The following MTIF2 variants were observed in gnomAD, a reference collection of about 807,000 sequenced individuals.
MTIF2 encodes mitochondrial translational initiation factor 2.
A neutral mutation model predicts 83.5 loss-of-function variants in MTIF2; 71 were observed. That is an observed-to-expected ratio of 0.85 (90% CI 0.70 to 1.04). MTIF2 has a LOEUF of 1.04. Among genes scored for constraint, MTIF2 ranks in the 50% least tolerant of loss-of-function variants. The pLI, the probability that MTIF2 is intolerant of heterozygous loss-of-function variation, is 0.00. For synonymous variants in MTIF2, 319 were observed against 287.1 expected, an observed-to-expected ratio of 1.11 and a Z score of -1.12; for missense variants, 957 against 846.5, an observed-to-expected ratio of 1.13 and a Z score of -1.62.
At chr2:55,249,284 T>A in intron 9 of MTIF2, 111 bp downstream of exon 9, 1 of 1,432,652 alleles carries the variant, frequency 7.0e-7, no homozygotes, top group South Asian at 1.4e-5. Flanking sequence ...GAAAACTTTT[T>A]AAAAACAACA....
At chr2:55,236,976 C>T (rs868673309) in intron 15 of MTIF2, among the ~76,000 whole-genome samples, 156 bp from the exon 16 acceptor site, 2 of 152,080 alleles carry the variant, frequency 1.3e-5, no homozygotes, top group African/African-American at 2.4e-5. Context: ...CAGGGGAACC[C>T]CCTCAAAAAT....
rs758885036 is a variant in MTIF2 at position 55,243,415 on chromosome 2, C to A, written c.1564+1G>T. ...GTAATGTAAAATCTTTAAAAAGATA[C>A]CTTTAATAATCACAGAAAGTACATT... On this transcript the variant is annotated splice_donor_variant, in intron 12 of 15. Transcript: ENST00000263629. LOFTEE classifies it high-confidence loss of function. 1.3e-6 allele frequency: 2 copies of A among 1,594,944 alleles called. No individual in the cohort carries two copies. Among genetic ancestry groups the A allele is most frequent in the Non-Finnish European group, 1.7e-6 (2 of 1,167,940 alleles).
chr2:55,237,879 G>A (rs976764362), intron 14 of MTIF2, among the ~76,000 whole-genome samples: 9 of 151,848 alleles, frequency 5.9e-5, no homozygotes, highest in African/African-American at 2.2e-4. Flanking sequence ...TCAAACTCCT[G>A]ACCTCAAGTG....
intron 10 of MTIF2, among the ~76,000 whole-genome samples, chr2:55,245,054 G>T (rs989784119): frequency 2.0e-5 from 3 of 149,854 alleles, no homozygotes; most frequent in Non-Finnish European, 3.0e-5. Flanking sequence ...CTCAAAAAAA[G>T]AAAAATTAAA....
Position 55,266,605 on chromosome 2 carries a change from T to C in MTIF2, c.-8+964A>G, listed in dbSNP as rs1270867407. 2.7e-5 allele frequency: 4 copies of C among 148,640 alleles called. No homozygotes were observed. In the Admixed American group the frequency reaches 2.7e-4, roughly 10 times the overall value. The allele number at this position is 148,640 out of a possible 1,614,324, so 9.2% of individuals were successfully genotyped here. A position where few individuals can be genotyped will look rare whatever the true frequency, so the allele number is the denominator to read the frequency against. ...AATATGCTTATATTTTATATTTATATACAACATATATATTATATAAATATA... is the reference window on the plus strand; with the variant it reads ...AATATGCTTATATTTTATATTTATACACAACATATATATTATATAAATATA... On this transcript the variant is annotated intron_variant, in intron 3 of 15. Transcript: ENST00000263629.
In MTIF2 at chr2:55,252,465, G is replaced by C. The variant is rs760941749; in HGVS notation, c.841+12C>G. The C allele has an allele frequency of 3.4e-5, 54 of 1,609,202 alleles. No individual in the cohort carries two copies. In the South Asian group the frequency reaches 5.6e-4, roughly 17 times the overall value. On this transcript the variant is annotated intron_variant, in intron 8 of 15. Transcript: ENST00000263629. The stretch of plus-strand genomic sequence containing the variant: ...TTTATGTAGTAGATCCATTAAGTCA[G>C]CCACACAGTACCCTGTGCATCTTTG...
In MTIF2 at chr2:55,254,078, T is replaced by G; in HGVS notation, c.627A>C (p.Glu209Asp). ...CAATGTGCTGAGTGATGCCTCCAGT[T>G]TCCACTGCTGCCACTTGAGTTTTTC... ...KFRKTQVAAV[E>D]TGGITQHIGA... Residue 209 changes from glutamate (E) to aspartate (D), a missense_variant, in exon 7 of 16, where the codon GAA becomes GAC. By Grantham distance (45) the Glu-to-Asp change is conservative (BLOSUM62 2). Around this residue, in one of 3 missense-constraint regions of MTIF2, gnomAD observed 733 missense variants for 648.7 expected, o/e 1.13. Transcript: ENST00000263629. The G allele has an allele frequency of 3.1e-6, 5 of 1,614,200 alleles. No individual in the cohort carries two copies. Among genetic ancestry groups the G allele is most frequent in the Non-Finnish European group, 4.2e-6 (5 of 1,180,018 alleles).
At chr2:55,238,849 T>C (rs1344273256) in intron 14 of MTIF2, among the ~76,000 whole-genome samples, 1 of 152,198 alleles carries the variant, frequency 6.6e-6, no homozygotes, top group East Asian at 1.9e-4. Flanking sequence ...CATGACTCAG[T>C]TTTCCACATT....
chr2:55,249,850 G>C (rs548274115), intron 8 of MTIF2, among the ~76,000 whole-genome samples: 8 of 152,264 alleles, frequency 5.3e-5, no homozygotes, highest in Admixed American at 3.9e-4. Context: ...CTAGCACTTT[G>C]GGAAGCTGAG....
At chr2:55,238,542 C>T (rs1440260367) in intron 14 of MTIF2, among the ~76,000 whole-genome samples, 1 of 152,070 alleles carries the variant, frequency 6.6e-6, no homozygotes, top group Non-Finnish European at 1.5e-5. Context: ...CAGGAATGCG[C>T]CACCACGCCT....
At chr2:55,266,542 T>C (rs1042501408) in intron 3 of MTIF2, 11 of 150,400 alleles carry the variant, frequency 7.3e-5, no homozygotes, top group Admixed American at 5.3e-4. Flanking sequence ...AAAAAAAATT[T>C]TTTTTTAATG....
intron 1 of MTIF2, 155 bp from the exon 2 acceptor site, chr2:55,268,894 T>A (rs1300937030): frequency 2.6e-5 from 4 of 152,204 alleles, no homozygotes; most frequent in African/African-American, 9.7e-5. Flanking sequence ...CCAGAAGGCC[T>A]TGGGCCCATG....
At position 55,236,604 on chromosome 2, in the gene MTIF2, TCAAA is replaced by T. The variant is rs761207403; in HGVS notation, c.*40_*43del. 115 of 1,519,682 alleles carry T rather than the reference TCAAA, an allele frequency of 7.6e-5. No individual in the cohort carries two copies. Among genetic ancestry groups the T allele is most frequent in the Middle Eastern group, 1.9e-4 (1 of 5,380 alleles). The allele number at this position is 1,519,682 out of a possible 1,614,324, so 94.1% of individuals were successfully genotyped here. On this transcript the variant is annotated 3_prime_UTR_variant, in exon 16 of 16. Coordinates refer to ENST00000263629, the MANE Select transcript of MTIF2 (RefSeq NM_002453.3). ...GGCCAGTAGTAGTGCATTTCTACCT[TCAAA>T]CAAACAACACGTTGAGTTATTTACA...
chr2:55,246,110 A>AAT (rs1676677733), intron 10 of MTIF2, among the ~76,000 whole-genome samples: 1 of 152,242 alleles, frequency 6.6e-6, no homozygotes, highest in South Asian at 2.1e-4. Flanking sequence ...ATGTCACCTA[A>AAT]ATATGACTAG....
intron 5 of MTIF2, among the ~76,000 whole-genome samples, chr2:55,259,318 A>G (rs1019140551): frequency 5.9e-5 from 9 of 152,204 alleles, no homozygotes; most frequent in African/African-American, 2.2e-4. Flanking sequence ...TCTTTAATTC[A>G]GAAGAGATTT....
intron 5 of MTIF2, 64 bp from the exon 6 acceptor site, chr2:55,254,889 T>A: frequency 9.8e-7 from 1 of 1,018,316 alleles, no homozygotes; most frequent in Non-Finnish European, 1.3e-6. Context: ...TAATCTCTAT[T>A]AATAAATGTC....
chr2:55,241,722 A>G (rs1407275565), intron 13 of MTIF2, among the ~76,000 whole-genome samples: 1 of 152,082 alleles, frequency 6.6e-6, no homozygotes, highest in Non-Finnish European at 1.5e-5. Context: ...GGGTGCCTAT[A>G]ATCCCAGCTA....
In MTIF2 at chr2:55,244,108, T is replaced by A. The variant is rs1236604138; in HGVS notation, c.1232A>T (p.Tyr411Phe). ...TGTAATTCCCACTGGCATGCTGGGA[T>A]AGGCCTCATCAATTGTTTTTCCATT... ...DENGKTIDEA[Y>F]PSMPVGITGW... Residue 411 changes from tyrosine to phenylalanine, a missense_variant, in exon 11 of 16, where the codon TAT (tyrosine) becomes TTT (phenylalanine). By Grantham distance (22) the Tyr-to-Phe change is conservative. This residue lies in a region of MTIF2 where 733 missense variants were observed against 648.7 expected (regional missense o/e 1.13). Coordinates refer to ENST00000263629, the MANE Select transcript of MTIF2 (RefSeq NM_002453.3). 1 of 1,614,042 alleles carries A rather than the reference T, an allele frequency of 6.2e-7. No homozygotes were observed. The highest frequency in any genetic ancestry group is 8.5e-7 in the Non-Finnish European group (1 of 1,180,008).
At chr2:55,252,674 G>C in intron 7 of MTIF2, 21 bp from the exon 8 acceptor site, 1 of 1,591,060 alleles carries the variant, frequency 6.3e-7, no homozygotes, top group Non-Finnish European at 8.6e-7. Context: ...AGAAATTCAA[G>C]AACATCAAGG....
Sources: allele counts gnomAD v4.1 joint callset (sites outside exome capture counted in the v4.1 genomes callset), GRCh38; gene constraint gnomAD v4.1.1; regional missense constraint gnomAD v4.1.1; transcripts MANE v1.5; gene names NCBI Gene and HGNC (gene_info 2026-07-23, HGNC 2026-07-21).